LIFR: variants seen among roughly 807,000 people sequenced by gnomAD.
LIFR encodes leukemia inhibitory factor receptor.
In LIFR, 84 loss-of-function variants were observed where a neutral mutation model predicts 122.2. The observed-to-expected ratio is 0.69, with a 90% CI of 0.58 to 0.82. LIFR has a LOEUF of 0.82. Ranked by LOEUF, LIFR falls within the 40% of genes least tolerant of loss-of-function variation. LIFR has a pLI of 0.00. For missense variants in LIFR, 1,294 were observed against 1,311.6 expected, an observed-to-expected ratio of 0.99 and a Z score of 0.21; for synonymous variants, 422 against 434.7, an observed-to-expected ratio of 0.97 and a Z score of 0.36.
chr5:38,545,517 A>G (rs1323589668), intron 1 of LIFR, among the ~76,000 whole-genome samples: 2 of 152,102 alleles, frequency 1.3e-5, no homozygotes, highest in East Asian at 1.9e-4. Flanking sequence ...ATTTTTATAA[A>G]ATGAGCATTT....
chr5:38,584,268 C>T (rs1580230335), intron 1 of LIFR, among the ~76,000 whole-genome samples: 2 of 151,990 alleles, frequency 1.3e-5, no homozygotes, highest in East Asian at 3.9e-4. Context: ...ATTGATACAG[C>T]CATGAGGGAA....
Position 38,476,221 on chromosome 5 carries a change from GTTC to G in LIFR, c.*5371_*5373del. 1 of 207,230 alleles carries G rather than the reference GTTC, an allele frequency of 4.8e-6. No homozygotes were observed. The highest frequency in any genetic ancestry group is 1.9e-4 in the South Asian group (1 of 5,272). The allele number at this position is 207,230 out of a possible 1,614,324, so 12.8% of individuals were successfully genotyped here. On this transcript the variant is annotated 3_prime_UTR_variant, in exon 20 of 20. Coordinates refer to ENST00000453190, the MANE Select transcript of LIFR (RefSeq NM_001127671.2). ...AATTGTATGAAAACCATTATTCAGT[GTTC>G]TTTTCTATGAGCAATTGCAAAAACA...
At position 38,569,374 on chromosome 5, in the gene LIFR, A is replaced by G. The variant is rs145255444; in HGVS notation, c.-20+25887T>C. Reference sequence around the variant, plus strand: ...TGGCCTGTTAGGAACCCTGCTCAGCAGGAGGTGAGAAGCAGGAGGCTGCTC... The same window carrying G: ...TGGCCTGTTAGGAACCCTGCTCAGCGGGAGGTGAGAAGCAGGAGGCTGCTC... On this transcript the variant is annotated intron_variant, in intron 1 of 19. Coordinates refer to the LIFR transcript ENST00000263409. 1.3e-3 allele frequency among the ~76,000 whole-genome samples: 200 copies of G among 152,280 alleles called. 4 individuals carry two copies. The East Asian group carries it at 0.03, about 23-fold the overall frequency.
In LIFR at chr5:38,511,930, G is replaced by T; in HGVS notation, c.596C>A (p.Thr199Lys). 6.2e-7 allele frequency: 1 copy of T among 1,614,120 alleles called. No individual in the cohort carries two copies. Among genetic ancestry groups the T allele is most frequent in the Non-Finnish European group, 8.5e-7 (1 of 1,179,996 alleles). The change falls in exon 6 of 20, where the codon ACA (threonine) becomes AAA (lysine). Residue 199 changes from threonine (T) to lysine (K), a missense_variant. Coordinates refer to ENST00000453190, the MANE Select transcript of LIFR (RefSeq NM_001127671.2). ...THNTTLNGKD[T>K]LHHWSWASDM... ...TGAGGCCCAACTCCAGTGATGAAGTGTATCTTTGCCATTCAGAGTTGTGTT... is the reference window on the plus strand; with the variant it reads ...TGAGGCCCAACTCCAGTGATGAAGTTTATCTTTGCCATTCAGAGTTGTGTT...
intron 5 of LIFR, among the ~76,000 whole-genome samples, chr5:38,519,505 TG>T (rs1428626527): frequency 6.6e-6 from 1 of 152,188 alleles, no homozygotes; most frequent in Non-Finnish European, 1.5e-5. Flanking sequence ...ATATAATACA[TG>T]GATGCTAACT....
chr5:38,496,170 A>C (rs1014657016), intron 13 of LIFR, among the ~76,000 whole-genome samples: 5 of 152,216 alleles, frequency 3.3e-5, no homozygotes, highest in Non-Finnish European at 7.3e-5. Context: ...TGAGTACAGT[A>C]ATGATTGTAT....
chr5:38,550,206 A>G, intron 1 of LIFR: 2 of 944,694 alleles, frequency 2.1e-6, no homozygotes, highest in Non-Finnish European at 2.5e-6. Flanking sequence ...AATTTCCAAA[A>G]TCCTCCAGTT....
intron 9 of LIFR, among the ~76,000 whole-genome samples, 193 bp from the exon 10 acceptor site, chr5:38,504,314 G>A (rs568509380): frequency 4.0e-5 from 6 of 148,566 alleles, no homozygotes; most frequent in Non-Finnish European, 7.4e-5. Context: ...TTAAACAATC[G>A]ATCATGCTCA....
At position 38,482,037 on chromosome 5, in the gene LIFR, G is replaced by A. The variant is rs886060627; in HGVS notation, c.2852C>T (p.Pro951Leu). ...PENHVVVSYC[P>L]PIIEEEIPNP... ...TGGTATTTCTTCCTCAATGATGGGTGGACAATAGGACACAACCACATGGTT... is the reference window on the plus strand; with the variant it reads ...TGGTATTTCTTCCTCAATGATGGGTAGACAATAGGACACAACCACATGGTT... The change falls in exon 20 of 20, where the codon CCA becomes CTA. Residue 951 changes from proline (P) to leucine (L), a missense_variant. Coordinates refer to ENST00000453190, the MANE Select transcript of LIFR (RefSeq NM_001127671.2). 1.2e-6 allele frequency: 2 copies of A among 1,613,492 alleles called. No individual in the cohort carries two copies. The highest frequency in any genetic ancestry group is 1.7e-6 in the Non-Finnish European group (2 of 1,179,638).
At chr5:38,516,922 T>C (rs891362540) in intron 5 of LIFR, among the ~76,000 whole-genome samples, 5 of 152,112 alleles carry the variant, frequency 3.3e-5, no homozygotes, top group East Asian at 1.9e-4. Context: ...ATGAATGAAG[T>C]TGGAAGCCAT....
intron 2 of LIFR, among the ~76,000 whole-genome samples, chr5:38,529,773 C>T (rs1057376466): frequency 5.3e-5 from 8 of 151,908 alleles, no homozygotes; most frequent in Non-Finnish European, 7.4e-5. Flanking sequence ...ATGGTTGGTA[C>T]GATATTCACT....
rs369849472 is a variant in LIFR at position 38,504,041 on chromosome 5, T to C, written c.1372A>G (p.Asn458Asp). 1.3e-5 allele frequency: 21 copies of C among 1,590,850 alleles called. No homozygotes were observed. In the African/African-American group the frequency reaches 2.6e-4, roughly 19 times the overall value. The change falls in exon 10 of 20, where the codon AAC (asparagine) becomes GAC (aspartate). Residue 458 changes from asparagine (N) to aspartate (D), a missense_variant. Physicochemically the swap from Asn to Asp is conservative, Grantham distance 23. Coordinates refer to ENST00000453190, the MANE Select transcript of LIFR (RefSeq NM_001127671.2). ...AVKLSWHLPG[N>D]FAKINFLCEI... ...CATAAAAAATTAATCTTTGCAAAGT[T>C]GCCTGGTAAATGCCAAGAAAGTTTA...
chr5:38,579,062 T>A (rs1749491476), intron 1 of LIFR: 2 of 152,230 alleles, frequency 1.3e-5, no homozygotes, highest in Admixed American at 1.3e-4. Context: ...TAGGCTCAGT[T>A]GGCTGTGGTA....
intron 5 of LIFR, among the ~76,000 whole-genome samples, chr5:38,521,318 T>C (rs1746384782): frequency 6.6e-6 from 1 of 152,232 alleles, no homozygotes; most frequent in South Asian, 2.1e-4. Flanking sequence ...TCTAAGTTTT[T>C]TGGGGGAGTC....
upstream of LIFR, among the ~76,000 whole-genome samples, chr5:38,598,211 CTTTTTTTTTT>C (rs869193908): frequency 3.2e-5 from 2 of 62,208 alleles, 1 homozygote; most frequent in African/African-American, 1.3e-4. Flanking sequence ...TAAGGCACCT[CTTTTTTTTTT>C]TTTTTTTTTT....
intron 2 of LIFR, among the ~76,000 whole-genome samples, chr5:38,529,520 A>C (rs1043403685): frequency 6.6e-6 from 1 of 152,182 alleles, no homozygotes; most frequent in Non-Finnish European, 1.5e-5. Context: ...ACAATTCAGA[A>C]GATTACAATC....
chr5:38,556,703 CCCCGCCCCTGA>C (rs1163354725), upstream of LIFR: 1 of 144,228 alleles, frequency 6.9e-6, no homozygotes, highest in Non-Finnish European at 1.5e-5. Context: ...GCGGGCCCGG[CCCCGCCCCTGA>C]CCCGCCCCTG....
intron 1 of LIFR, among the ~76,000 whole-genome samples, chr5:38,548,657 A>G (rs1313980681): frequency 6.6e-6 from 1 of 152,212 alleles, no homozygotes; most frequent in Admixed American, 6.5e-5. Context: ...AAGGAAAGAA[A>G]GATCAGACCC....
At chr5:38,585,909 C>G (rs1303446486) in intron 1 of LIFR, among the ~76,000 whole-genome samples, 2 of 152,022 alleles carry the variant, frequency 1.3e-5, no homozygotes, top group Non-Finnish European at 1.5e-5. Context: ...TCTTCTTCAT[C>G]CACTCCCCAC....
Sources: gnomAD v4.1 joint callset for allele counts (sites outside exome capture counted in the v4.1 genomes callset) on GRCh38, gnomAD v4.1.1 for gene constraint, MANE v1.5 for transcripts, NCBI Gene and HGNC (gene_info 2026-07-23, HGNC 2026-07-21) for gene names.